The following INPP5A variants were observed in gnomAD, a reference collection of about 807,000 sequenced individuals.
INPP5A encodes inositol polyphosphate-5-phosphatase A.
Under a neutral mutation model 65.2 loss-of-function variants are expected in INPP5A, and 14 were observed. That is an observed-to-expected ratio of 0.21 (90% CI 0.14 to 0.34). The LOEUF is 0.34. INPP5A is among the 10% of genes least tolerant of loss of function. INPP5A has a pLI of 1.00. For missense variants in INPP5A, 431 were observed against 545.6 expected, an observed-to-expected ratio of 0.79 and a Z score of 2.09; for synonymous variants, 207 against 208.3, an observed-to-expected ratio of 0.99 and a Z score of 0.05.
At chr10:132,733,228 G>A (rs944680139) in intron 9 of INPP5A, among the ~76,000 whole-genome samples, 7 of 152,148 alleles carry the variant, frequency 4.6e-5, no homozygotes, top group African/African-American at 1.7e-4. Context: ...ACACCTGCAA[G>A]GCCCCATTTC....
At chr10:132,750,886 A>G (rs934691072) in intron 11 of INPP5A, among the ~76,000 whole-genome samples, 2 of 152,220 alleles carry the variant, frequency 1.3e-5, no homozygotes, top group African/African-American at 4.8e-5. Context: ...ACAGGCGGGT[A>G]GACCCAGGAC....
In INPP5A at chr10:132,676,640, C is replaced by T. The variant is rs565569994; in HGVS notation, c.307-13752C>T. Among the ~76,000 whole-genome samples, 5 of 152,292 alleles carry T rather than the reference C, an allele frequency of 3.3e-5. No homozygotes were observed. In the South Asian group the frequency reaches 1.0e-3, roughly 32 times the overall value. ...GTCCCGGCCAGTGCTCCGCTCCCTGCGCCCCTGATGAGATGGCAGCCCTGG... is the reference window on the plus strand; with the variant it reads ...GTCCCGGCCAGTGCTCCGCTCCCTGTGCCCCTGATGAGATGGCAGCCCTGG... On this transcript the variant is annotated intron_variant, in intron 4 of 15. Transcript: ENST00000368594. The surrounding 1 kb of genome is among the most constrained non-coding windows in gnomAD (Gnocchi z 4.0).
At chr10:132,572,981 G>A (rs1033560950) in intron 1 of INPP5A, among the ~76,000 whole-genome samples, 1 of 151,774 alleles carries the variant, frequency 6.6e-6, no homozygotes, top group Admixed American at 6.6e-5. Context: ...GCCGTGTGAG[G>A]TTTTGTTGAG....
At chr10:132,714,353 C>G (rs950129732) in intron 8 of INPP5A, among the ~76,000 whole-genome samples, 8 of 152,336 alleles carry the variant, frequency 5.3e-5, no homozygotes, top group African/African-American at 1.9e-4. Context: ...ACCGCGGCTG[C>G]TAACCTCTTG....
At chr10:132,709,968 T>C (rs901766533) in intron 7 of INPP5A, among the ~76,000 whole-genome samples, 1 of 152,090 alleles carries the variant, frequency 6.6e-6, no homozygotes, top group Non-Finnish European at 1.5e-5. Context: ...CCTTACAGGG[T>C]CCCCGATGGG....
chr10:132,722,697 C>T (rs891499971), intron 8 of INPP5A, among the ~76,000 whole-genome samples: 1 of 152,162 alleles, frequency 6.6e-6, no homozygotes, highest in Non-Finnish European at 1.5e-5. Context: ...GCTGCTGGGA[C>T]GATGAGGCAG....
chr10:132,777,918 C>T lies in INPP5A; in HGVS notation c.1089+136C>T, dbSNP rs1015426607. 6.9e-5 allele frequency: 104 copies of T among 1,499,576 alleles called. No individual in the cohort carries two copies. In the African/African-American group the frequency reaches 1.1e-3, roughly 16 times the overall value. 92.9% of individuals were successfully genotyped at this position (1,499,576 alleles called of 1,614,324 possible). A position where few individuals can be genotyped will look rare whatever the true frequency, so the allele number is the denominator to read the frequency against. ...ATGCTGCCAGGTTGGGCCCTGACCT[C>T]GTGCTGCCATGAGCTGCACCCCAGC... On this transcript the variant is annotated intron_variant, in intron 13 of 15. Transcript: ENST00000368594.
Position 132,762,386 on chromosome 10 carries a change from C to A in INPP5A, c.904-3387C>A, listed in dbSNP as rs1306657406. Among the ~76,000 whole-genome samples the A allele has an allele frequency of 6.6e-6, 1 of 152,190 alleles. No homozygotes were observed. The highest frequency in any genetic ancestry group is 6.5e-5 in the Admixed American group (1 of 15,270). ...AAAAATGTCCTATTACATAAGAATG[C>A]AAGTGGCGGCGGGTTTCCAGAACAA... is the stretch of plus-strand genomic sequence containing the variant. On this transcript the variant is annotated intron_variant, in intron 11 of 15. Coordinates refer to ENST00000368594, the MANE Select transcript of INPP5A (RefSeq NM_005539.5). The surrounding 1 kb of genome is among the most constrained non-coding windows in gnomAD (Gnocchi z 4.6).
intron 11 of INPP5A, among the ~76,000 whole-genome samples, chr10:132,756,244 C>A (rs571161631): frequency 6.6e-6 from 1 of 151,918 alleles, no homozygotes; most frequent in African/African-American, 2.4e-5. Context: ...TATGCGTGTA[C>A]ATGTGTGCAC....
chr10:132,538,861 C>T lies in INPP5A; in HGVS notation c.75+690C>T, dbSNP rs2133236095. The stretch of plus-strand genomic sequence containing the variant: ...CTGAATTCTAGCCCTAGAATCCCAG[C>T]CTTCATACTGTGGCCCTTTGCCTCT... On this transcript the variant is annotated intron_variant, in intron 1 of 15. Transcript: ENST00000368594. This position sits in a 1 kb window ranked among gnomAD's most constrained non-coding sequence, Gnocchi z 4.1. 6.6e-6 allele frequency among the ~76,000 whole-genome samples: 1 copy of T among 152,340 alleles called. No individual in the cohort carries two copies. The highest frequency in any genetic ancestry group is 2.1e-4 in the South Asian group (1 of 4,828).
At chr10:132,559,447 A>G (rs922295621) in intron 1 of INPP5A, among the ~76,000 whole-genome samples, 1 of 152,240 alleles carries the variant, frequency 6.6e-6, no homozygotes, top group Non-Finnish European at 1.5e-5. Flanking sequence ...CCCTGATTTC[A>G]GAATGTTTTT....
rs1172427559 is a variant in INPP5A, at chr10:132,705,224, G to T, written c.475-3089G>T. Among the ~76,000 whole-genome samples the T allele has an allele frequency of 6.6e-6, 1 of 152,212 alleles. No homozygotes were observed. Among genetic ancestry groups the T allele is most frequent in the African/African-American group, 2.4e-5 (1 of 41,454 alleles). On this transcript the variant is annotated intron_variant, in intron 6 of 15. Transcript: ENST00000368594. The surrounding 1 kb of genome is among the most constrained non-coding windows in gnomAD (Gnocchi z 4.9). ...TTACCGACAGGAAATGAACACAGAG[G>T]CTCCCCGGGGCAAATGGCCTCCCCG... is the stretch of plus-strand genomic sequence containing the variant.
At chr10:132,780,786 G>C (rs377287263) in intron 13 of INPP5A, 63 bp from the exon 14 acceptor site, 2 of 1,316,378 alleles carry the variant, frequency 1.5e-6, no homozygotes, top group African/African-American at 2.9e-5. Flanking sequence ...CTGCCAGTCA[G>C]CTCCCAACTG....
intron 12 of INPP5A, among the ~76,000 whole-genome samples, chr10:132,775,986 C>T (rs569222571): frequency 1.3e-5 from 2 of 149,842 alleles, no homozygotes; most frequent in South Asian, 2.1e-4. Context: ...GACGTGTGTG[C>T]GGATGCAATG....
intron 1 of INPP5A, among the ~76,000 whole-genome samples, chr10:132,564,669 A>G (rs1387255827): frequency 6.6e-6 from 1 of 152,224 alleles, no homozygotes; most frequent in Non-Finnish European, 1.5e-5. Flanking sequence ...GACCTTGCCA[A>G]ATGGCAGTGA....
At chr10:132,612,241 G>A (rs561568427) in intron 2 of INPP5A, among the ~76,000 whole-genome samples, 1 of 151,472 alleles carries the variant, frequency 6.6e-6, no homozygotes, top group African/African-American at 2.4e-5. Context: ...TGTCGGGAGG[G>A]TGTGGGAGGT....
intron 1 of INPP5A, among the ~76,000 whole-genome samples, chr10:132,584,693 G>C (rs1376104879): frequency 6.6e-6 from 1 of 151,844 alleles, no homozygotes; most frequent in African/African-American, 2.4e-5. Context: ...ATCTATTTAA[G>C]AACTAAAAAA....
chr10:132,639,475 A>G (rs1165759170), intron 2 of INPP5A, among the ~76,000 whole-genome samples: 1 of 152,062 alleles, frequency 6.6e-6, no homozygotes, highest in African/African-American at 2.4e-5. Flanking sequence ...CTATTAATAC[A>G]TCTTTGTTTT....
chr10:132,540,353 C>T (rs555780982), intron 1 of INPP5A, among the ~76,000 whole-genome samples: 13 of 152,286 alleles, frequency 8.5e-5, no homozygotes, highest in African/African-American at 2.6e-4. Context: ...TTTCATTTTT[C>T]TTAAAGGCTA....
Sources: allele counts gnomAD v4.1 joint callset (sites outside exome capture counted in the v4.1 genomes callset), GRCh38; gene constraint gnomAD v4.1.1; non-coding constraint Gnocchi (gnomAD v3.1); transcripts MANE v1.5; gene names NCBI Gene and HGNC (gene_info 2026-07-23, HGNC 2026-07-21).